The following NCKAP5 variants were observed in gnomAD, a reference collection of about 807,000 sequenced individuals.
The protein encoded by NCKAP5 is NCK associated protein 5.
Under a neutral mutation model 167.0 loss-of-function variants are expected in NCKAP5, and 92 were observed. The observed-to-expected ratio is 0.55, with a 90% confidence interval of 0.47 to 0.66. The LOEUF (loss-of-function observed/expected upper bound fraction) is 0.66, where lower values mean the gene tolerates loss of function less well. Ranked by LOEUF, NCKAP5 falls within the 30% of genes least tolerant of loss-of-function variation. NCKAP5 has a pLI of 0.00. For synonymous variants in NCKAP5, 891 were observed against 877.4 expected (o/e 1.02, Z -0.27); for missense variants, 2,378 against 2,315.0 (o/e 1.03, Z -0.56).
intron 5 of NCKAP5, among the ~76,000 whole-genome samples, chr2:133,166,470 G>T (rs1424927767): frequency 1.3e-5 from 2 of 152,120 alleles, no homozygotes; most frequent in African/African-American, 4.8e-5. Flanking sequence ...TTGGGGCTTA[G>T]TCATTCTTAT....
intron 6 of NCKAP5, among the ~76,000 whole-genome samples, chr2:133,105,809 T>A (rs932777620): frequency 2.6e-5 from 4 of 152,238 alleles, no homozygotes; most frequent in Admixed American, 2.6e-4. Context: ...AAAATGTTGC[T>A]GTTGCTCAGT....
rs575075775 is a variant in NCKAP5, at chr2:132,712,568, C to T, written c.5713+13059G>A. ...TCAGGAGGCTGAGGCAGGAGAATGGCGTGAACCCGGAAGGCGGAGCTTGCA... is the reference window on the plus strand; with the variant it reads ...TCAGGAGGCTGAGGCAGGAGAATGGTGTGAACCCGGAAGGCGGAGCTTGCA... On this transcript the variant is annotated intron_variant, in intron 19 of 19. Transcript: ENST00000409261. Among the ~76,000 whole-genome samples, 12 of 152,140 alleles carry T rather than the reference C, an allele frequency of 7.9e-5. No homozygotes were observed. The South Asian group carries it at 1.9e-3, about 24-fold the overall frequency.
chr2:132,827,965 C>A (rs926167646), intron 11 of NCKAP5, among the ~76,000 whole-genome samples: 3 of 152,158 alleles, frequency 2.0e-5, no homozygotes, highest in Admixed American at 6.5e-5. Context: ...ATAGGTAAAA[C>A]TTTGGCTTTG....
At chr2:133,419,060 C>T (rs1201569685) in intron 3 of NCKAP5, among the ~76,000 whole-genome samples, 1 of 152,182 alleles carries the variant, frequency 6.6e-6, no homozygotes, top group Non-Finnish European at 1.5e-5. Flanking sequence ...CTGTTTAGAG[C>T]ACGCCTGCTT....
chr2:132,927,876 CCTT>C, intron 8 of NCKAP5, among the ~76,000 whole-genome samples: 1 of 152,168 alleles, frequency 6.6e-6, no homozygotes, highest in Admixed American at 6.5e-5. Flanking sequence ...GATAAGTTCT[CCTT>C]CTATACCTTC....
chr2:132,793,311 A>C (rs1684223343), intron 12 of NCKAP5, among the ~76,000 whole-genome samples: 1 of 152,064 alleles, frequency 6.6e-6, no homozygotes, highest in African/African-American at 2.4e-5. Context: ...CCCAGCCGAG[A>C]TGCCCTGATG....
intron 18 of NCKAP5, 130 bp downstream of exon 18, chr2:132,728,686 G>T: frequency 8.0e-7 from 1 of 1,255,298 alleles, no homozygotes; most frequent in Non-Finnish European, 1.1e-6. Context: ...CTAGACCTTG[G>T]TTTATATTCA....
At chr2:133,548,009 T>C (rs984466631) in intron 2 of NCKAP5, among the ~76,000 whole-genome samples, 1 of 146,628 alleles carries the variant, frequency 6.8e-6, no homozygotes, top group African/African-American at 2.6e-5. Flanking sequence ...ATGACTAGAA[T>C]AACCAATACA....
intron 6 of NCKAP5, among the ~76,000 whole-genome samples, chr2:133,120,888 A>C (rs573597405): frequency 6.6e-6 from 1 of 152,218 alleles, no homozygotes; most frequent in South Asian, 2.1e-4. Context: ...GCTTAACCTA[A>C]GTCTAGCAGA....
chr2:133,532,273 C>T (rs1474170200), intron 2 of NCKAP5, among the ~76,000 whole-genome samples: 1 of 152,138 alleles, frequency 6.6e-6, no homozygotes, highest in Non-Finnish European at 1.5e-5. Context: ...CATTTTTTAC[C>T]ATTTTCACAT....
chr2:133,093,327 A>G (rs2081248971), intron 6 of NCKAP5, among the ~76,000 whole-genome samples: 1 of 152,174 alleles, frequency 6.6e-6, no homozygotes, highest in Non-Finnish European at 1.5e-5. Context: ...ATTATTCTGG[A>G]GTTTGACTCT....
intron 4 of NCKAP5, among the ~76,000 whole-genome samples, chr2:133,281,138 T>C (rs2089920014): frequency 6.6e-6 from 1 of 152,176 alleles, no homozygotes; most frequent in Admixed American, 6.5e-5. Context: ...ACAGTAAGAA[T>C]AGAAGTGATT....
chr2:133,447,044 TA>T (rs1219089858), intron 3 of NCKAP5, among the ~76,000 whole-genome samples: 1 of 152,088 alleles, frequency 6.6e-6, no homozygotes, highest in Non-Finnish European at 1.5e-5. Context: ...GAACCATTGG[TA>T]AAGCTGAACT....
intron 8 of NCKAP5, among the ~76,000 whole-genome samples, chr2:132,917,963 C>T (rs192029684): frequency 6.6e-6 from 1 of 152,116 alleles, no homozygotes; most frequent in African/African-American, 2.4e-5. Flanking sequence ...GCAAGGGAAC[C>T]AAGAAGTATA....
chr2:132,721,508 A>C (rs1573988945), intron 19 of NCKAP5, among the ~76,000 whole-genome samples: 1 of 152,256 alleles, frequency 6.6e-6, no homozygotes, highest in South Asian at 2.1e-4. Context: ...TCTCCTTTTC[A>C]CAGGCACGTG....
rs1053826260 is a variant in NCKAP5, at chr2:133,184,724, T to C, written c.207+28992A>G. On this transcript the variant is annotated intron_variant, in intron 5 of 19. Transcript: ENST00000409261. ...GCATTTCTCTGATGACTAGTGATAT[T>C]GAACATCTTTTCATGTTTGTTGGCT... 6.6e-5 allele frequency among the ~76,000 whole-genome samples: 10 copies of C among 152,148 alleles called. 1 individual carries two copies. Among genetic ancestry groups the C allele is most frequent in the Admixed American group, 6.6e-4 (10 of 15,250 alleles).
At chr2:133,502,150 TC>T in intron 3 of NCKAP5, among the ~76,000 whole-genome samples, 1 of 152,350 alleles carries the variant, frequency 6.6e-6, no homozygotes, top group East Asian at 1.9e-4. Context: ...TCCACCTCTG[TC>T]CCTGTCTGGC....
At chr2:133,562,463 A>T (rs940094763) in intron 1 of NCKAP5, among the ~76,000 whole-genome samples, 1 of 152,212 alleles carries the variant, frequency 6.6e-6, no homozygotes. Flanking sequence ...GATCAGTTCT[A>T]TGTTTCTAGA....
chr2:133,117,310 T>G (rs190976809), intron 6 of NCKAP5: 21 of 152,342 alleles, frequency 1.4e-4, no homozygotes, highest in Middle Eastern at 3.4e-3. Context: ...TATTTCATGT[T>G]ACTTTCAAGT....
Sources: gnomAD v4.1 joint callset for allele counts (sites outside exome capture counted in the v4.1 genomes callset) on GRCh38, gnomAD v4.1.1 for gene constraint, MANE v1.5 for transcripts, NCBI Gene and HGNC (gene_info 2026-07-23, HGNC 2026-07-21) for gene names.